The following PPP3CA variants were observed in gnomAD, a reference collection of about 807,000 sequenced individuals.
PPP3CA encodes the protein protein phosphatase 3 catalytic subunit alpha, also known as CAM-PRP catalytic subunit.
In PPP3CA, 14 loss-of-function variants were observed where a neutral mutation model predicts 66.5. The ratio of observed to expected loss-of-function variants is 0.21; its 90% CI spans 0.14 to 0.33. PPP3CA has a LOEUF of 0.33. Among genes scored for constraint, PPP3CA ranks in the 10% least tolerant of loss-of-function variants. The pLI, the probability that PPP3CA is intolerant of heterozygous loss-of-function variation, is 1.00. For synonymous variants in PPP3CA, 232 were observed against 226.2 expected (o/e 1.03, Z -0.23); for missense variants, 317 against 639.5 (o/e 0.50, Z 5.44).
At chr4:101,117,310 A>AT (rs1721866921) in intron 2 of PPP3CA, among the ~76,000 whole-genome samples, 1 of 151,904 alleles carries the variant, frequency 6.6e-6, no homozygotes, top group Non-Finnish European at 1.5e-5. Flanking sequence ...GTTAAAAACT[A>AT]TTTTATCAAA....
intron 1 of PPP3CA, among the ~76,000 whole-genome samples, chr4:101,280,112 G>T (rs985307597): frequency 6.6e-6 from 1 of 152,156 alleles, no homozygotes; most frequent in Non-Finnish European, 1.5e-5. Context: ...GAATAAAATG[G>T]ACAAAAGTCA....
At chr4:101,320,952 A>G (rs1253013839) in intron 1 of PPP3CA, among the ~76,000 whole-genome samples, 1 of 152,232 alleles carries the variant, frequency 6.6e-6, no homozygotes, top group Non-Finnish European at 1.5e-5. Flanking sequence ...AAATGACTAC[A>G]GGGCAGTGAA....
chr4:101,304,783 T>G lies in PPP3CA; in HGVS notation c.58+41956A>C, dbSNP rs550361826. 4.6e-5 allele frequency among the ~76,000 whole-genome samples: 7 copies of G among 152,322 alleles called. No individual in the cohort carries two copies. In the East Asian group the frequency reaches 1.3e-3, roughly 29 times the overall value. On this transcript the variant is annotated intron_variant, in intron 1 of 13. Transcript: ENST00000394854. Reference sequence around the variant, plus strand: ...TATCAACACAAATAATTGAAGAATGTGAAAGAAAAATTTCTCTTGACCTGA... The same window carrying G: ...TATCAACACAAATAATTGAAGAATGGGAAAGAAAAATTTCTCTTGACCTGA...
intron 2 of PPP3CA, among the ~76,000 whole-genome samples, chr4:101,151,652 CTTTTTTT>C (rs369745312): frequency 1.2e-5 from 1 of 84,826 alleles, no homozygotes. Context: ...CCAAGGTTTC[CTTTTTTT>C]TTTTTTTTTT....
chr4:101,294,611 T>TA (rs951940045), intron 1 of PPP3CA, among the ~76,000 whole-genome samples: 1 of 152,174 alleles, frequency 6.6e-6, no homozygotes, highest in African/African-American at 2.4e-5. Flanking sequence ...ATTTTAATCA[T>TA]AAAAAATACA....
intron 1 of PPP3CA, among the ~76,000 whole-genome samples, chr4:101,291,375 T>C (rs900662611): frequency 6.6e-6 from 1 of 152,190 alleles, no homozygotes; most frequent in African/African-American, 2.4e-5. Context: ...TCTAATTTAT[T>C]ATGTAATCTG....
chr4:101,308,095 C>T (rs1288713921), intron 1 of PPP3CA, among the ~76,000 whole-genome samples: 1 of 152,154 alleles, frequency 6.6e-6, no homozygotes, highest in Non-Finnish European at 1.5e-5. Context: ...TAACAGTACA[C>T]TTTATAATGA....
chr4:101,067,716 A>C (rs1464781200), intron 8 of PPP3CA, among the ~76,000 whole-genome samples: 1 of 151,330 alleles, frequency 6.6e-6, no homozygotes, highest in East Asian at 1.9e-4. Context: ...CCTAATGCTA[A>C]ATGACGAGTT....
Position 101,098,969 on chromosome 4 carries a change from AGAG to A in PPP3CA, c.497-460_497-458del, listed in dbSNP as rs1409962261. On this transcript the variant is annotated intron_variant, in intron 4 of 13. Transcript: ENST00000394854. ...CCCATGACTTATATCTAATGTTTTA[AGAG>A]GAGAAGTCTTTATGCTCCATTGAAT... 4.6e-5 allele frequency among the ~76,000 whole-genome samples: 7 copies of A among 152,190 alleles called. 1 individual carries two copies. In the South Asian group the frequency reaches 8.3e-4, roughly 18 times the overall value.
chr4:101,312,976 A>T (rs1243911476), intron 1 of PPP3CA, among the ~76,000 whole-genome samples: 3 of 152,184 alleles, frequency 2.0e-5, no homozygotes, highest in African/African-American at 7.2e-5. Flanking sequence ...TACTGAGAAG[A>T]GCATTCTAAT....
At chr4:101,141,139 G>A (rs1722795214) in intron 2 of PPP3CA, among the ~76,000 whole-genome samples, 1 of 152,106 alleles carries the variant, frequency 6.6e-6, no homozygotes, top group Non-Finnish European at 1.5e-5. Context: ...GGAGGCCGAG[G>A]TGGGTGGATC....
intron 1 of PPP3CA, among the ~76,000 whole-genome samples, chr4:101,217,979 T>C (rs1281919224): frequency 6.6e-6 from 1 of 152,066 alleles, no homozygotes; most frequent in Non-Finnish European, 1.5e-5. Flanking sequence ...CATATCATAA[T>C]AAAAGACTTG....
Position 101,074,786 on chromosome 4 carries a change from C to T in PPP3CA, c.955+5746G>A, listed in dbSNP as rs572905438. On this transcript the variant is annotated intron_variant, in intron 8 of 13. Coordinates refer to ENST00000394854, the MANE Select transcript of PPP3CA (RefSeq NM_000944.5). Reference sequence around the variant, plus strand: ...ATATCAAGTTGCTAATTTATGAGTCCAAAACATCATATTTTTCCCTATCAA... The same window carrying T: ...ATATCAAGTTGCTAATTTATGAGTCTAAAACATCATATTTTTCCCTATCAA... 3.9e-5 allele frequency among the ~76,000 whole-genome samples: 6 copies of T among 152,198 alleles called. No individual in the cohort carries two copies. The South Asian group carries it at 1.2e-3, about 32-fold the overall frequency.
intron 1 of PPP3CA, among the ~76,000 whole-genome samples, chr4:101,270,478 G>A (rs1727303719): frequency 6.6e-6 from 1 of 152,084 alleles, no homozygotes; most frequent in Admixed American, 6.6e-5. Context: ...ACAAAAATAT[G>A]TTTAAAGACA....
chr4:101,202,099 A>G (rs1420416717), intron 1 of PPP3CA, among the ~76,000 whole-genome samples: 1 of 152,222 alleles, frequency 6.6e-6, no homozygotes, highest in African/African-American at 2.4e-5. Flanking sequence ...AAAATATATA[A>G]GTAGTAAGAA....
chr4:101,273,527 A>T (rs1727397794), intron 1 of PPP3CA, among the ~76,000 whole-genome samples: 1 of 152,198 alleles, frequency 6.6e-6, no homozygotes, highest in Non-Finnish European at 1.5e-5. Flanking sequence ...GGGTTTCACC[A>T]TATTGGCCAG....
At chr4:101,244,440 G>T (rs1726411017) in intron 1 of PPP3CA, among the ~76,000 whole-genome samples, 1 of 152,120 alleles carries the variant, frequency 6.6e-6, no homozygotes, top group Non-Finnish European at 1.5e-5. Context: ...AGCACACAAA[G>T]AAGTCAGCAC....
At chr4:101,344,450 G>A (rs780772696) in intron 1 of PPP3CA, among the ~76,000 whole-genome samples, 1 of 152,064 alleles carries the variant, frequency 6.6e-6, no homozygotes, top group Admixed American at 6.5e-5. Flanking sequence ...TTAAAATCAG[G>A]ATTCATCAAC....
chr4:101,344,736 T>C (rs994411184), intron 1 of PPP3CA, among the ~76,000 whole-genome samples: 3 of 152,204 alleles, frequency 2.0e-5, no homozygotes, highest in Non-Finnish European at 4.4e-5. Context: ...TAAACATTTA[T>C]TTTTACATGT....
Sources: allele counts gnomAD v4.1 joint callset (sites outside exome capture counted in the v4.1 genomes callset), GRCh38; gene constraint gnomAD v4.1.1; transcripts MANE v1.5; gene names NCBI Gene and HGNC (gene_info 2026-07-23, HGNC 2026-07-21).